CEMIP2: variants seen among roughly 807,000 people sequenced by gnomAD.
CEMIP2 encodes the protein cell migration inducing hyaluronidase 2.
In CEMIP2, 79 loss-of-function variants were observed where a neutral mutation model predicts 146.9. That is an observed-to-expected ratio of 0.54 (90% confidence interval 0.45 to 0.65). The LOEUF (loss-of-function observed/expected upper bound fraction) is 0.65. Ranked by LOEUF, CEMIP2 falls within the 30% of genes least tolerant of loss-of-function variation. CEMIP2 has a pLI of 0.00. For missense variants in CEMIP2, 1,596 were observed against 1,696.2 expected (o/e 0.94, Z 1.04); for synonymous variants, 601 against 606.3 (o/e 0.99, Z 0.13).
intron 23 of CEMIP2, 66 bp downstream of exon 23, chr9:71,685,677 T>C: frequency 2.2e-6 from 3 of 1,334,998 alleles, no homozygotes; most frequent in Non-Finnish European, 3.2e-6. Flanking sequence ...GGTAGCTGAA[T>C]TGCACCATAA....
intron 11 of CEMIP2, among the ~76,000 whole-genome samples, chr9:71,724,913 G>A (rs1344626964): frequency 6.6e-6 from 1 of 152,270 alleles, no homozygotes; most frequent in Middle Eastern, 3.4e-3. Flanking sequence ...TTAAAGATTG[G>A]AAAGAAGTTG....
intron 21 of CEMIP2, among the ~76,000 whole-genome samples, chr9:71,690,489 A>T (rs1324331252): frequency 6.6e-6 from 1 of 152,216 alleles, no homozygotes; most frequent in African/African-American, 2.4e-5. Flanking sequence ...GCTTTGAGCA[A>T]GGCATGGTGG....
At chr9:71,741,036 G>A (rs147816975) in intron 4 of CEMIP2, among the ~76,000 whole-genome samples, 1 of 152,174 alleles carries the variant, frequency 6.6e-6, no homozygotes, top group Non-Finnish European at 1.5e-5. Flanking sequence ...TAGACTAGAG[G>A]TTAGAGTAGT....
At chr9:71,759,751 C>G (rs1412061561) in intron 1 of CEMIP2, among the ~76,000 whole-genome samples, 1 of 148,712 alleles carries the variant, frequency 6.7e-6, no homozygotes, top group African/African-American at 2.5e-5. Context: ...GATTTTTGGT[C>G]CTTCCTGCAA....
rs371711687 is a variant in CEMIP2 at position 71,750,566 on chromosome 9, C to G, written c.-12-181G>C. On this transcript the variant is annotated intron_variant, in intron 1 of 23. Transcript: ENST00000377044. ...AAGTGATTCTCCTGCCTCAGCCTCCCGAGTAGCTGGGATTAGAGGCATGCA... is the reference window on the plus strand; with the variant it reads ...AAGTGATTCTCCTGCCTCAGCCTCCGGAGTAGCTGGGATTAGAGGCATGCA... Among the ~76,000 whole-genome samples, 697 of 151,870 alleles carry G rather than the reference C, an allele frequency of 4.6e-3. 42 individuals are homozygous for G. The South Asian group carries it at 0.12, about 27-fold the overall frequency.
chr9:71,760,294 G>A (rs897738584), intron 1 of CEMIP2, among the ~76,000 whole-genome samples: 3 of 152,178 alleles, frequency 2.0e-5, no homozygotes, highest in Admixed American at 2.0e-4. Context: ...TTTCACTAAA[G>A]TGGCCACATC....
intron 5 of CEMIP2, among the ~76,000 whole-genome samples, chr9:71,736,744 G>A (rs1823771211): frequency 6.6e-6 from 1 of 152,160 alleles, no homozygotes; most frequent in Admixed American, 6.5e-5. Flanking sequence ...TAACGGAAAT[G>A]TCCATGAAAT....
intron 5 of CEMIP2, 67 bp downstream of exon 5, chr9:71,739,996 T>G (rs775164272): frequency 6.8e-7 from 1 of 1,467,498 alleles, no homozygotes; most frequent in Non-Finnish European, 9.2e-7. Flanking sequence ...AATACTATTC[T>G]TAGAAAAAAA....
chr9:71,703,216 G>T (rs981982833), intron 18 of CEMIP2, among the ~76,000 whole-genome samples: 3 of 152,138 alleles, frequency 2.0e-5, no homozygotes, highest in African/African-American at 7.2e-5. Flanking sequence ...AGATTTAGAT[G>T]ACTTTAGGAG....
At position 71,704,732 on chromosome 9, in the gene CEMIP2, A is replaced by C; in HGVS notation, c.3057T>G (p.Pro1019=). Residue 1019 remains proline, a synonymous_variant, in exon 18 of 24, where the codon CCT becomes CCG. Coordinates refer to ENST00000377044, the MANE Select transcript of CEMIP2 (RefSeq NM_013390.3). ...TITRDEYPSN[P]MVLRGINQKA... is the part of the protein sequence containing the mutation. ...TCTGATTAATACCTCGGAGCACCAT[A>C]GGGTTGGACGGATACTCATCTCGTG... The C allele has an allele frequency of 1.2e-6, 2 of 1,614,226 alleles. No individual in the cohort carries two copies. The highest frequency in any genetic ancestry group is 1.7e-6 in the Non-Finnish European group (2 of 1,180,030).
rs1824020870 is a variant in CEMIP2 at position 71,744,611 on chromosome 9, G to T, written c.1034+407C>A. 2.0e-5 allele frequency among the ~76,000 whole-genome samples: 3 copies of T among 152,200 alleles called. No individual in the cohort carries two copies. In the South Asian group the frequency reaches 6.2e-4, roughly 32 times the overall value. On this transcript the variant is annotated intron_variant, in intron 4 of 23. Coordinates refer to ENST00000377044, the MANE Select transcript of CEMIP2 (RefSeq NM_013390.3). ...CCCTCAGCCTTTTAAGACAGGTTTA[G>T]AACTTAGCATGAAATTCTGCCCTAA...
chr9:71,759,357 C>A (rs546224743), intron 1 of CEMIP2, among the ~76,000 whole-genome samples: 7 of 152,156 alleles, frequency 4.6e-5, no homozygotes, highest in South Asian at 2.1e-4. Context: ...TATAATACAG[C>A]GAAAGTATAA....
intron 21 of CEMIP2, among the ~76,000 whole-genome samples, chr9:71,690,944 G>C (rs1822209079): frequency 6.6e-6 from 1 of 152,106 alleles, no homozygotes; most frequent in South Asian, 2.1e-4. Flanking sequence ...AAAAATGAAG[G>C]AGCAAAACAA....
Position 71,745,239 on chromosome 9 carries a change from G to A in CEMIP2, c.813C>T (p.Val271=), listed in dbSNP as rs749768292. ...AAATTTTGGCCGTGTCTTGGTCAAT[G>A]ACCCTCACATTGAGGCCCCGGGAAA... ...KDFSRGLNVR[V]IDQDTAKILE... The change falls in exon 4 of 24, where the codon GTC becomes GTT. Residue 271 remains valine (V), a synonymous_variant. Coordinates refer to ENST00000377044, the MANE Select transcript of CEMIP2 (RefSeq NM_013390.3). 2 of 1,614,002 alleles carry A rather than the reference G, an allele frequency of 1.2e-6. No homozygotes were observed. The highest frequency in any genetic ancestry group is 4.5e-5 in the East Asian group (2 of 44,872).
intron 10 of CEMIP2, 60 bp downstream of exon 10, chr9:71,729,785 C>G: frequency 6.5e-7 from 1 of 1,533,338 alleles, no homozygotes; most frequent in African/African-American, 1.4e-5. Context: ...CCAAATAAAC[C>G]AGACTATTTA....
chr9:71,728,231 C>CACG (rs1823457765), intron 10 of CEMIP2, among the ~76,000 whole-genome samples: 19 of 14,772 alleles, frequency 1.3e-3, no homozygotes, highest in African/African-American at 3.9e-3. Flanking sequence ...CTCTCTCTCT[C>CACG]TATATATATA....
chr9:71,721,202 T>C (rs1480233296), intron 12 of CEMIP2, among the ~76,000 whole-genome samples: 1 of 152,098 alleles, frequency 6.6e-6, no homozygotes, highest in East Asian at 1.9e-4. Flanking sequence ...TTATAATAAA[T>C]TATATTAGTT....
intron 1 of CEMIP2, among the ~76,000 whole-genome samples, chr9:71,752,348 A>G (rs72738002): frequency 0.013 from 1,934 of 151,168 alleles, 22 homozygotes; most frequent in Non-Finnish European, 0.017. Context: ...GCTTACACAC[A>G]AAAACAAGGA....
chr9:71,728,371 A>G (rs1823512232), intron 10 of CEMIP2, among the ~76,000 whole-genome samples: 1 of 131,516 alleles, frequency 7.6e-6, no homozygotes, highest in Non-Finnish European at 1.6e-5. Flanking sequence ...AGTATCAGCT[A>G]CTCAGAAGGC....
Sources: gnomAD v4.1 joint callset for allele counts (sites outside exome capture counted in the v4.1 genomes callset) on GRCh38, gnomAD v4.1.1 for gene constraint, MANE v1.5 for transcripts, NCBI Gene and HGNC (gene_info 2026-07-23, HGNC 2026-07-21) for gene names.